The following ANO3 variants were observed in gnomAD, a reference collection of about 807,000 sequenced individuals.
The protein encoded by ANO3 is anoctamin 3.
In ANO3, 99 loss-of-function variants were observed where a neutral mutation model predicts 144.8. That is an observed-to-expected ratio of 0.68 (90% confidence interval 0.58 to 0.81). ANO3 has a LOEUF of 0.81. Among genes scored for constraint, ANO3 ranks in the 30% least tolerant of loss-of-function variants. ANO3 has a pLI of 0.00. For synonymous variants in ANO3, 414 were observed against 392.6 expected, an observed-to-expected ratio of 1.05 and a Z score of -0.64; for missense variants, 905 against 1,202.2, an observed-to-expected ratio of 0.75 and a Z score of 3.66.
chr11:26,294,051 G>A (rs1854029312), intron 1 of ANO3, among the ~76,000 whole-genome samples: 1 of 152,158 alleles, frequency 6.6e-6, no homozygotes, highest in Non-Finnish European at 1.5e-5. Context: ...GGTCTGTTTG[G>A]AGAGCTGCAG....
At chr11:26,589,226 G>A (rs768592096) in intron 14 of ANO3, among the ~76,000 whole-genome samples, 3 of 152,112 alleles carry the variant, frequency 2.0e-5, no homozygotes, top group Non-Finnish European at 4.4e-5. Flanking sequence ...GATAACATTT[G>A]CCATATCTCT....
At chr11:26,190,309 T>C (rs1030969173) in intron 1 of ANO3, among the ~76,000 whole-genome samples, 1 of 152,122 alleles carries the variant, frequency 6.6e-6, no homozygotes, top group African/African-American at 2.4e-5. Context: ...TTATTGCTCA[T>C]AGATTATTAT....
At chr11:26,625,946 C>G (rs1219159319) in intron 18 of ANO3, among the ~76,000 whole-genome samples, 2 of 152,174 alleles carry the variant, frequency 1.3e-5, no homozygotes, top group Non-Finnish European at 1.5e-5. Flanking sequence ...GAAAATGTCT[C>G]TATTCTAGCC....
At chr11:26,246,798 G>A (rs1272338297) in intron 1 of ANO3, among the ~76,000 whole-genome samples, 2 of 151,968 alleles carry the variant, frequency 1.3e-5, no homozygotes, top group Non-Finnish European at 1.5e-5. Flanking sequence ...GAGATCTGAT[G>A]ATTTTATAAA....
intron 1 of ANO3, among the ~76,000 whole-genome samples, chr11:26,266,175 A>T (rs930600457): frequency 6.6e-6 from 1 of 152,130 alleles, no homozygotes; most frequent in African/African-American, 2.4e-5. Flanking sequence ...ACCTCTGCAA[A>T]GTTGCTTTCC....
chr11:26,587,717 G>T (rs1851326400), intron 14 of ANO3, among the ~76,000 whole-genome samples: 2 of 152,110 alleles, frequency 1.3e-5, no homozygotes, highest in African/African-American at 4.8e-5. Context: ...AGCACTTTGG[G>T]AAGCCAAGGC....
intron 1 of ANO3, among the ~76,000 whole-genome samples, chr11:26,343,451 T>G (rs1215320807): frequency 6.6e-6 from 1 of 152,218 alleles, no homozygotes; most frequent in Non-Finnish European, 1.5e-5. Context: ...CTATTTTTAT[T>G]TTGGGGGGTC....
intron 1 of ANO3, among the ~76,000 whole-genome samples, chr11:26,372,187 G>A (rs1345626800): frequency 1.3e-5 from 2 of 152,124 alleles, no homozygotes; most frequent in Non-Finnish European, 2.9e-5. Context: ...CAATTATCAT[G>A]GGATCGGATG....
chr11:26,195,500 T>C (rs183295102), intron 1 of ANO3, among the ~76,000 whole-genome samples: 26 of 152,320 alleles, frequency 1.7e-4, no homozygotes, highest in Admixed American at 1.2e-3. Context: ...TTCTTTGAAT[T>C]ATGAATAATG....
At chr11:26,388,968 T>A (rs1288133260) in intron 1 of ANO3, among the ~76,000 whole-genome samples, 1 of 152,170 alleles carries the variant, frequency 6.6e-6, no homozygotes, top group Non-Finnish European at 1.5e-5. Context: ...GTATTATGTT[T>A]GAACATTTTA....
intron 11 of ANO3, among the ~76,000 whole-genome samples, chr11:26,544,375 A>C (rs1478497269): frequency 6.7e-6 from 1 of 149,930 alleles, no homozygotes; most frequent in Non-Finnish European, 1.5e-5. Context: ...TATGGGTAGA[A>C]TCTAAAAAGG....
intron 1 of ANO3, among the ~76,000 whole-genome samples, chr11:26,369,787 T>C (rs1231933552): frequency 6.6e-6 from 1 of 152,220 alleles, no homozygotes; most frequent in East Asian, 1.9e-4. Context: ...TTGTTTACTG[T>C]TACTTTCTAA....
At chr11:26,293,351 C>T (rs79401377) in intron 1 of ANO3, among the ~76,000 whole-genome samples, 3,240 of 151,138 alleles carry the variant, frequency 0.021, 60 homozygotes, top group East Asian at 0.12. Flanking sequence ...TTCTGAAATT[C>T]TTTCTCTCAC....
chr11:26,309,676 G>C (rs974985172), exon 1 of ANO3: 2 of 985,330 alleles, frequency 2.0e-6, no homozygotes, highest in Middle Eastern at 5.2e-4. Flanking sequence ...CTCATCGTGA[G>C]CTTGAGAAGA....
chr11:26,531,142 T>C (rs1849360530), intron 7 of ANO3, 63 bp from the exon 8 acceptor site: 2 of 1,578,710 alleles, frequency 1.3e-6, no homozygotes, highest in South Asian at 2.3e-5. Context: ...TGAATTGTAG[T>C]GGAAGGTAGT....
intron 14 of ANO3, among the ~76,000 whole-genome samples, chr11:26,588,477 G>A (rs1020701698): frequency 6.6e-6 from 1 of 152,114 alleles, no homozygotes; most frequent in Non-Finnish European, 1.5e-5. Flanking sequence ...ATTGAAAGTG[G>A]ACACCCTACT....
At chr11:26,391,889 T>A (rs1856889652) in intron 1 of ANO3, among the ~76,000 whole-genome samples, 1 of 152,174 alleles carries the variant, frequency 6.6e-6, no homozygotes, top group Admixed American at 6.6e-5. Context: ...ATTTCCATTT[T>A]ATTCCATCGT....
intron 14 of ANO3, among the ~76,000 whole-genome samples, chr11:26,584,690 G>C (rs1028011276): frequency 1.3e-5 from 2 of 152,166 alleles, no homozygotes; most frequent in African/African-American, 4.8e-5. Context: ...AAGTGCTGAA[G>C]ATGCACAAGC....
intron 1 of ANO3, among the ~76,000 whole-genome samples, chr11:26,355,395 A>G (rs1311277100): frequency 6.6e-6 from 1 of 152,010 alleles, no homozygotes; most frequent in East Asian, 1.9e-4. Context: ...AGAAAAATTT[A>G]TGTTTAAAGA....
Sources: gnomAD v4.1 joint callset for allele counts (sites outside exome capture counted in the v4.1 genomes callset) on GRCh38, gnomAD v4.1.1 for gene constraint, MANE v1.5 for transcripts, NCBI Gene and HGNC (gene_info 2026-07-23, HGNC 2026-07-21) for gene names.